PLSCR2: variants seen among roughly 807,000 people sequenced by gnomAD.
PLSCR2 encodes the protein phospholipid scramblase 2.
Under a neutral mutation model 25.3 loss-of-function variants are expected in PLSCR2, and 18 were observed. That is an observed-to-expected ratio of 0.71 (90% CI 0.49 to 1.06). The LOEUF (loss-of-function observed/expected upper bound fraction) is 1.06, where lower values mean the gene tolerates loss of function less well. Among genes scored for constraint, PLSCR2 ranks in the 50% least tolerant of loss-of-function variants. PLSCR2 has a pLI of 0.00. For missense variants in PLSCR2, 243 were observed against 269.5 expected, an observed-to-expected ratio of 0.90 and a Z score of 0.69; for synonymous variants, 88 against 87.3, an observed-to-expected ratio of 1.01 and a Z score of -0.04.
downstream of PLSCR2, among the ~76,000 whole-genome samples, chr3:146,438,166 C>T (rs2040001404): frequency 6.6e-6 from 1 of 152,120 alleles, no homozygotes; most frequent in Non-Finnish European, 1.5e-5. Flanking sequence ...TGTTCTTTTA[C>T]ATTTGCTGAG....
downstream of PLSCR2, among the ~76,000 whole-genome samples, chr3:146,438,851 T>A (rs1315231482): frequency 6.6e-6 from 1 of 152,230 alleles, no homozygotes; most frequent in Non-Finnish European, 1.5e-5. Flanking sequence ...CATTAGTTGA[T>A]GCAGTTTCTT....
chr3:146,431,233 T>G (rs1294782518), downstream of PLSCR2, among the ~76,000 whole-genome samples: 3 of 152,214 alleles, frequency 2.0e-5, no homozygotes, highest in Non-Finnish European at 2.9e-5. Flanking sequence ...CTAAGCCACT[T>G]AAGGCAAGGG....
downstream of PLSCR2, among the ~76,000 whole-genome samples, chr3:146,439,196 C>T (rs2040081357): frequency 2.0e-5 from 3 of 152,184 alleles, no homozygotes; most frequent in South Asian, 6.2e-4. Context: ...TTCTCTCTGG[C>T]TGCCCTTAAC....
At chr3:146,400,328 A>G (rs1359439163) in intron 2 of PLSCR2, among the ~76,000 whole-genome samples, 1 of 151,614 alleles carries the variant, frequency 6.6e-6, no homozygotes. Context: ...TTTTCTATAT[A>G]CAATATACTA....
intron 6 of PLSCR2, among the ~76,000 whole-genome samples, chr3:146,444,684 C>G (rs2868437): frequency 0.58 from 87,613 of 151,508 alleles, 25,724 homozygotes; most frequent in South Asian, 0.76. Flanking sequence ...AGGTAGGTTG[C>G]GTCTTGTTTG....
At chr3:146,423,364 C>T (rs936133595) in intron 2 of PLSCR2, among the ~76,000 whole-genome samples, 1 of 148,998 alleles carries the variant, frequency 6.7e-6, no homozygotes, top group Admixed American at 6.8e-5. Context: ...AATTGATAAC[C>T]TTTTCTACTT....
At chr3:146,415,935 ATTTATTTATT>A (rs2038993820) in intron 2 of PLSCR2, among the ~76,000 whole-genome samples, 1 of 152,068 alleles carries the variant, frequency 6.6e-6, no homozygotes, top group South Asian at 2.1e-4. Context: ...AAAAGTAGGC[ATTTATTTATT>A]TTTATTTATT....
At chr3:146,454,092 C>G in exon 5 of PLSCR2, 1 of 1,610,504 alleles carries the variant, frequency 6.2e-7, no homozygotes, top group Non-Finnish European at 8.5e-7. Flanking sequence ...TAATTGTAAA[C>G]TTTGTTAGAC....
chr3:146,440,214 CA>C (rs1559999375), downstream of PLSCR2, among the ~76,000 whole-genome samples: 6 of 152,204 alleles, frequency 3.9e-5, no homozygotes, highest in African/African-American at 1.4e-4. Context: ...TTGGGCTACG[CA>C]GGGGTCAGGG....
intron 1 of PLSCR2, among the ~76,000 whole-genome samples, chr3:146,487,983 T>C (rs1174064320): frequency 6.6e-6 from 1 of 151,842 alleles, no homozygotes; most frequent in African/African-American, 2.4e-5. Context: ...GACATACAGA[T>C]GAATGGAATG....
intron 2 of PLSCR2, among the ~76,000 whole-genome samples, chr3:146,423,716 G>A (rs545976749): frequency 1.3e-5 from 2 of 152,178 alleles, no homozygotes; most frequent in East Asian, 3.9e-4. Context: ...TCCTTTAAAT[G>A]TGGGAGAGGA....
At chr3:146,420,790 G>A (rs548983650) in intron 2 of PLSCR2, among the ~76,000 whole-genome samples, 15 of 152,012 alleles carry the variant, frequency 9.9e-5, no homozygotes, top group African/African-American at 2.4e-4. Context: ...GAAAATAGGC[G>A]TATTGTATTA....
intron 2 of PLSCR2, among the ~76,000 whole-genome samples, chr3:146,405,174 TA>T (rs1475240171): frequency 6.6e-6 from 1 of 152,132 alleles, no homozygotes; most frequent in Non-Finnish European, 1.5e-5. Flanking sequence ...GGGGTCTAGT[TA>T]AAACAATTTT....
intron 1 of PLSCR2, among the ~76,000 whole-genome samples, chr3:146,480,232 A>T (rs1340190254): frequency 6.6e-6 from 1 of 152,210 alleles, no homozygotes; most frequent in African/African-American, 2.4e-5. Context: ...GAAATAACTA[A>T]GATCAGAGCA....
rs562541979 is a variant in PLSCR2, at chr3:146,473,767, G to A, written c.-292-13483C>T. On this transcript the variant is annotated intron_variant, in intron 1 of 8. Transcript: ENST00000336685. ...GAAATCTTGTTAAAACTCAATATGT[G>A]TTTCCCACATCCAGAGTTTCTAATT... Among the ~76,000 whole-genome samples, 76 of 152,292 alleles carry A rather than the reference G, an allele frequency of 5.0e-4. No individual in the cohort carries two copies. In the South Asian group the frequency reaches 5.8e-3, roughly 12 times the overall value.
chr3:146,406,054 C>G (rs1199382123), intron 2 of PLSCR2, among the ~76,000 whole-genome samples: 1 of 151,924 alleles, frequency 6.6e-6, no homozygotes, highest in Admixed American at 6.6e-5. Context: ...ATCTTAATCT[C>G]TATGATATGC....
At chr3:146,477,800 C>T (rs7628893) in intron 1 of PLSCR2, among the ~76,000 whole-genome samples, 103 of 152,316 alleles carry the variant, frequency 6.8e-4, no homozygotes, top group African/African-American at 2.4e-3. Flanking sequence ...CTCTGACCCT[C>T]GTGTAGCCTA....
intron 5 of PLSCR2, among the ~76,000 whole-genome samples, chr3:146,451,098 T>C (rs2040863595): frequency 1.4e-5 from 2 of 147,778 alleles, no homozygotes; most frequent in Non-Finnish European, 3.0e-5. Context: ...GAAGTATACA[T>C]TAAGTTTTCT....
chr3:146,450,658 C>A (rs2040835952), intron 5 of PLSCR2, among the ~76,000 whole-genome samples: 1 of 152,126 alleles, frequency 6.6e-6, no homozygotes, highest in Non-Finnish European at 1.5e-5. Flanking sequence ...TGCTACATAT[C>A]CAGAGTGAAC....
Sources: gnomAD v4.1 joint callset for allele counts (sites outside exome capture counted in the v4.1 genomes callset) on GRCh38, gnomAD v4.1.1 for gene constraint, MANE v1.5 for transcripts, NCBI Gene and HGNC (gene_info 2026-07-23, HGNC 2026-07-21) for gene names.